Variants in EEA1 observed in about 807,000 individuals in gnomAD.
The protein encoded by EEA1 is early endosome antigen 1, also known as early endosome antigen 1, 162kD.
EEA1 carries 111 observed loss-of-function variants against 209.2 expected under a neutral mutation model. That is an observed-to-expected ratio of 0.53 (90% CI 0.45 to 0.62). EEA1 has a LOEUF of 0.62. Among genes scored for constraint, EEA1 ranks in the 20% least tolerant of loss-of-function variants. The pLI is 0.00. For missense variants in EEA1, 1,343 were observed against 1,530.8 expected (o/e 0.88, Z 2.05); for synonymous variants, 536 against 540.6 (o/e 0.99, Z 0.12).
At chr12:92,821,882 T>C (rs552667772) in intron 13 of EEA1, among the ~76,000 whole-genome samples, 2 of 150,004 alleles carry the variant, frequency 1.3e-5, no homozygotes, top group Admixed American at 6.7e-5. Context: ...TATAAATCTA[T>C]ATTATTATAA....
intron 9 of EEA1, among the ~76,000 whole-genome samples, chr12:92,847,201 C>T (rs932206798): frequency 1.3e-5 from 2 of 152,054 alleles, no homozygotes; most frequent in Non-Finnish European, 2.9e-5. Flanking sequence ...GGTGATCCAC[C>T]GCCTGGGCCT....
intron 1 of EEA1, among the ~76,000 whole-genome samples, chr12:92,917,597 C>A (rs1220486885): frequency 6.6e-6 from 1 of 151,850 alleles, no homozygotes; most frequent in Admixed American, 6.6e-5. Flanking sequence ...GAAGGAAGCG[C>A]TAAACATGGA....
At chr12:92,825,711 C>T (rs1201966701) in intron 13 of EEA1, among the ~76,000 whole-genome samples, 1 of 151,724 alleles carries the variant, frequency 6.6e-6, no homozygotes, top group Non-Finnish European at 1.5e-5. Context: ...ACAAAATATT[C>T]TTCTTTACTG....
chr12:92,855,813 T>C lies in EEA1; in HGVS notation c.366+1462A>G, dbSNP rs1877856111. 2.0e-5 allele frequency among the ~76,000 whole-genome samples: 3 copies of C among 152,212 alleles called. No individual in the cohort carries two copies. In the South Asian group the frequency reaches 6.2e-4, roughly 32 times the overall value. Reference sequence around the variant, plus strand: ...CTGTGGAAAAGTTATTTAAGTGTATTAAATGTGAAATAGTCATCTCAAATG... The same window carrying C: ...CTGTGGAAAAGTTATTTAAGTGTATCAAATGTGAAATAGTCATCTCAAATG... On this transcript the variant is annotated intron_variant, in intron 5 of 28. Coordinates refer to ENST00000322349, the MANE Select transcript of EEA1 (RefSeq NM_003566.4).
At chr12:92,817,416 A>G (rs1226679743) in intron 14 of EEA1, among the ~76,000 whole-genome samples, 1 of 151,938 alleles carries the variant, frequency 6.6e-6, no homozygotes, top group East Asian at 1.9e-4. Context: ...TCCGTCACCC[A>G]GGCTGGAGTG....
intron 1 of EEA1, among the ~76,000 whole-genome samples, chr12:92,909,072 A>G (rs925470330): frequency 6.6e-5 from 10 of 152,178 alleles, no homozygotes; most frequent in African/African-American, 2.4e-4. Context: ...GGCCTCCCAA[A>G]GTGCTGGGAT....
intron 21 of EEA1, among the ~76,000 whole-genome samples, chr12:92,788,654 T>C (rs1259306029): frequency 4.6e-5 from 7 of 152,192 alleles, no homozygotes; most frequent in Non-Finnish European, 7.3e-5. Context: ...ATGCATAGTA[T>C]GAAAAATAGG....
At chr12:92,885,614 C>T (rs1592757188) in intron 2 of EEA1, among the ~76,000 whole-genome samples, 1 of 152,230 alleles carries the variant, frequency 6.6e-6, no homozygotes, top group Admixed American at 6.5e-5. Flanking sequence ...CGGCAGTCCC[C>T]AGTTAACAGC....
At chr12:92,872,296 G>A (rs1878689494) in intron 2 of EEA1, among the ~76,000 whole-genome samples, 1 of 152,154 alleles carries the variant, frequency 6.6e-6, no homozygotes, top group Non-Finnish European at 1.5e-5. Context: ...AGATCTGTCT[G>A]CCTCGGCCTC....
At position 92,835,326 on chromosome 12, in the gene EEA1, T is replaced by A. The variant is rs113616528; in HGVS notation, c.916-2476A>T. On this transcript the variant is annotated intron_variant, in intron 10 of 28. Transcript: ENST00000322349. ...AGGCATATAATGAGTTAGAGTCTTC[T>A]TCCCCACAGACTTACTTAGAAAGTA... is the stretch of plus-strand genomic sequence containing the variant. 4.0e-3 allele frequency: 1,093 copies of A among 271,252 alleles called. 9 individuals carry two copies. Among genetic ancestry groups the A allele is most frequent in the African/African-American group, 0.024 (1,033 of 43,290 alleles). 16.8% of individuals were successfully genotyped at this position (271,252 alleles called of 1,614,324 possible).
intron 2 of EEA1, chr12:92,883,851 C>T (rs1166997641): frequency 8.7e-6 from 14 of 1,603,048 alleles, no homozygotes; most frequent in Admixed American, 8.3e-5. Context: ...TTAAAACAAC[C>T]GATGAGAGCC....
intron 10 of EEA1, among the ~76,000 whole-genome samples, chr12:92,841,804 T>G (rs1400913460): frequency 7.2e-5 from 11 of 152,208 alleles, no homozygotes; most frequent in Non-Finnish European, 1.5e-4. Flanking sequence ...ACAGCCACTA[T>G]GGAAATTAGT....
In EEA1 at chr12:92,852,926, G is replaced by A; in HGVS notation, c.506C>T (p.Ala169Val). 2 of 1,608,078 alleles carry A rather than the reference G, an allele frequency of 1.2e-6. No individual in the cohort carries two copies. Among genetic ancestry groups the A allele is most frequent in the Non-Finnish European group, 8.5e-7 (1 of 1,177,804 alleles). Residue 169 changes from alanine to valine, a missense_variant, in exon 7 of 29, where the codon GCT becomes GTT. Transcript: ENST00000322349. ...DLFEQKAAQL[A>V]TEIADIKSKY... Reference sequence around the variant, plus strand: ...ACTCAATTTACCTGCAATTTCAGTAGCAAGTTGGGCTGCTTTCTGTTCAAA... The same window carrying A: ...ACTCAATTTACCTGCAATTTCAGTAACAAGTTGGGCTGCTTTCTGTTCAAA...
At chr12:92,855,014 T>C (rs1877805778) in intron 5 of EEA1, among the ~76,000 whole-genome samples, 2 of 152,224 alleles carry the variant, frequency 1.3e-5, no homozygotes, top group South Asian at 2.1e-4. Flanking sequence ...ATGCAATTCA[T>C]GAAATCATAC....
chr12:92,830,019 G>C (rs1220961128), intron 11 of EEA1, among the ~76,000 whole-genome samples: 1 of 147,898 alleles, frequency 6.8e-6, no homozygotes, highest in Non-Finnish European at 1.5e-5. Flanking sequence ...TGTGGGGGGG[G>C]CGGGTGAGGG....
At chr12:92,831,324 T>C (rs1469244221) in intron 11 of EEA1, among the ~76,000 whole-genome samples, 1 of 151,588 alleles carries the variant, frequency 6.6e-6, no homozygotes. Flanking sequence ...AAAATTAAGT[T>C]AATGGCAAAG....
chr12:92,873,258 A>G (rs566027656), intron 2 of EEA1, among the ~76,000 whole-genome samples: 1 of 152,354 alleles, frequency 6.6e-6, no homozygotes, highest in African/African-American at 2.4e-5. Context: ...GTGCTCAACG[A>G]ATATGAATTG....
intron 18 of EEA1, among the ~76,000 whole-genome samples, chr12:92,806,830 T>C (rs1487621650): frequency 1.3e-5 from 2 of 152,292 alleles, no homozygotes; most frequent in Admixed American, 1.3e-4. Context: ...TCAATCAATG[T>C]AACTGACCAT....
intron 1 of EEA1, among the ~76,000 whole-genome samples, chr12:92,919,613 A>G (rs1194052684): frequency 6.7e-6 from 1 of 150,098 alleles, no homozygotes; most frequent in African/African-American, 2.5e-5. Context: ...AATAAGAGCT[A>G]TATATGACAA....
Sources: gnomAD v4.1 joint callset for allele counts (sites outside exome capture counted in the v4.1 genomes callset) on GRCh38, gnomAD v4.1.1 for gene constraint, MANE v1.5 for transcripts, NCBI Gene and HGNC (gene_info 2026-07-23, HGNC 2026-07-21) for gene names.